MAPKAP1: variants seen among roughly 807,000 people sequenced by gnomAD.
MAPKAP1 encodes target of rapamycin complex 2 subunit MAPKAP1.
A neutral mutation model predicts 65.7 loss-of-function variants in MAPKAP1; 20 were observed. The observed-to-expected ratio is 0.30, with a 90% CI of 0.21 to 0.44. The LOEUF (loss-of-function observed/expected upper bound fraction) is 0.44, where lower values mean the gene tolerates loss of function less well. MAPKAP1 is among the 20% of genes least tolerant of loss of function. The pLI, the probability that MAPKAP1 is intolerant of heterozygous loss-of-function variation, is 1.00. For missense variants in MAPKAP1, 423 were observed against 648.0 expected (o/e 0.65, Z 3.77); for synonymous variants, 222 against 244.3 (o/e 0.91, Z 0.85).
intron 4 of MAPKAP1, among the ~76,000 whole-genome samples, chr9:125,620,109 G>A (rs1319238559): frequency 2.6e-5 from 4 of 152,218 alleles, no homozygotes; most frequent in African/African-American, 7.2e-5. Context: ...AGGAGTTGGA[G>A]ACCAGCCTGG....
In MAPKAP1 at chr9:125,590,653, G is replaced by GA. The variant is rs367633825; in HGVS notation, c.499-4927dup. 7.5e-3 allele frequency among the ~76,000 whole-genome samples: 1,119 copies of GA among 149,124 alleles called. 18 individuals are homozygous for GA. Among genetic ancestry groups the GA allele is most frequent in the African/African-American group, 0.026 (1,041 of 40,752 alleles). On this transcript the variant is annotated intron_variant, in intron 4 of 11. Transcript: ENST00000265960. ...CAACAAGAGTCAAACTCCGTCTCAA[G>GA]AAAAAAAAAGGGGGGCGGGGCATAG...
chr9:125,612,376 G>C (rs1589340466), intron 4 of MAPKAP1, among the ~76,000 whole-genome samples: 1 of 152,264 alleles, frequency 6.6e-6, no homozygotes, highest in South Asian at 2.1e-4. Flanking sequence ...ATAACTGGTA[G>C]TGTCACAGCT....
intron 4 of MAPKAP1, among the ~76,000 whole-genome samples, chr9:125,586,601 T>C (rs935874438): frequency 1.8e-4 from 27 of 151,950 alleles, no homozygotes; most frequent in Admixed American, 1.2e-3. Context: ...ACTTTCTCTT[T>C]TGTGAAAAAA....
At chr9:125,504,891 CCATT>C (rs1402818583) in intron 8 of MAPKAP1, among the ~76,000 whole-genome samples, 4 of 152,254 alleles carry the variant, frequency 2.6e-5, no homozygotes, top group East Asian at 1.9e-4. Flanking sequence ...TAAAGATCTA[CCATT>C]CATTCACTCA....
At position 125,503,387 on chromosome 9, in the gene MAPKAP1, G is replaced by A. The variant is rs1317013335; in HGVS notation, c.1066+2923C>T. Among the ~76,000 whole-genome samples, 3 of 152,206 alleles carry A rather than the reference G, an allele frequency of 2.0e-5. No individual in the cohort carries two copies. The East Asian group carries it at 5.8e-4, about 29-fold the overall frequency. ...TGCCAGACAGGCAGATAATGTCCGGGCAAAAGCGCTCGTAGGCGTTGATCT... is the reference window on the plus strand; with the variant it reads ...TGCCAGACAGGCAGATAATGTCCGGACAAAAGCGCTCGTAGGCGTTGATCT... On this transcript the variant is annotated intron_variant, in intron 8 of 11. Transcript: ENST00000265960.
chr9:125,691,669 A>C (rs993987355), intron 1 of MAPKAP1, among the ~76,000 whole-genome samples: 3 of 152,242 alleles, frequency 2.0e-5, no homozygotes, highest in African/African-American at 7.2e-5. Flanking sequence ...AGGAAAAACA[A>C]AAAACAGAAG....
At chr9:125,446,554 G>C (rs1008428789) in intron 10 of MAPKAP1, among the ~76,000 whole-genome samples, 4 of 152,258 alleles carry the variant, frequency 2.6e-5, no homozygotes, top group African/African-American at 9.6e-5. Context: ...GAGGAACAAT[G>C]CGGGCACCTT....
At chr9:125,535,399 A>T (rs1455092941) in intron 7 of MAPKAP1, among the ~76,000 whole-genome samples, 1 of 152,066 alleles carries the variant, frequency 6.6e-6, no homozygotes, top group Non-Finnish European at 1.5e-5. Flanking sequence ...ACCACATTTT[A>T]ATCCCTCTTT....
intron 7 of MAPKAP1, among the ~76,000 whole-genome samples, chr9:125,519,077 A>C (rs764579876): frequency 2.0e-5 from 3 of 152,156 alleles, no homozygotes; most frequent in African/African-American, 7.2e-5. Context: ...GCTAGACCAG[A>C]CTAGGGAAGA....
intron 5 of MAPKAP1, among the ~76,000 whole-genome samples, chr9:125,576,808 C>G (rs547064820): frequency 1.3e-5 from 2 of 152,184 alleles, no homozygotes; most frequent in Non-Finnish European, 2.9e-5. Context: ...GACGGAGTCT[C>G]GTTCACTCAG....
chr9:125,443,562 C>T (rs1329402650), intron 11 of MAPKAP1, among the ~76,000 whole-genome samples: 2 of 152,118 alleles, frequency 1.3e-5, no homozygotes, highest in East Asian at 1.9e-4. Flanking sequence ...TTCTTGGAAA[C>T]GTATGATCTC....
At chr9:125,570,130 C>T (rs981617279) in intron 5 of MAPKAP1, among the ~76,000 whole-genome samples, 8 of 149,730 alleles carry the variant, frequency 5.3e-5, no homozygotes, top group African/African-American at 1.7e-4. Flanking sequence ...TGCCCCCTAG[C>T]TATACAAAGA....
intron 11 of MAPKAP1, among the ~76,000 whole-genome samples, chr9:125,443,426 A>G (rs1336955473): frequency 6.6e-6 from 1 of 151,956 alleles, no homozygotes; most frequent in African/African-American, 2.4e-5. Context: ...TGCTTTTCCT[A>G]TCTGATCAAC....
chr9:125,512,623 C>T (rs754129553), intron 7 of MAPKAP1, among the ~76,000 whole-genome samples: 1 of 151,780 alleles, frequency 6.6e-6, no homozygotes, highest in South Asian at 2.1e-4. Context: ...GCTCTGTCGC[C>T]CAGGTTGGAG....
intron 1 of MAPKAP1, among the ~76,000 whole-genome samples, chr9:125,684,370 G>T (rs192986200): frequency 6.6e-6 from 1 of 152,170 alleles, no homozygotes; most frequent in Non-Finnish European, 1.5e-5. Context: ...AGTAAACATG[G>T]TACAATGCAC....
chr9:125,494,964 T>C (rs1444826150), intron 8 of MAPKAP1, among the ~76,000 whole-genome samples: 1 of 152,212 alleles, frequency 6.6e-6, no homozygotes, highest in Non-Finnish European at 1.5e-5. Context: ...AACAAATATG[T>C]GCCCAAAGTG....
intron 7 of MAPKAP1, chr9:125,513,280 A>G (rs1022551269): frequency 6.6e-6 from 1 of 152,258 alleles, no homozygotes; most frequent in Non-Finnish European, 1.5e-5. Context: ...TAAGTGAATT[A>G]ACCTATCATC....
intron 4 of MAPKAP1, among the ~76,000 whole-genome samples, chr9:125,605,644 C>A (rs1208445331): frequency 6.6e-6 from 1 of 152,204 alleles, no homozygotes; most frequent in African/African-American, 2.4e-5. Context: ...CGGCTGGCAT[C>A]CCACCCTGCC....
At chr9:125,693,365 G>A (rs1347004325) in intron 1 of MAPKAP1, among the ~76,000 whole-genome samples, 1 of 149,450 alleles carries the variant, frequency 6.7e-6, no homozygotes, top group Non-Finnish European at 1.5e-5. Context: ...AGTGAGCCAA[G>A]ATCATGCCAT....
Sources: allele counts gnomAD v4.1 joint callset (sites outside exome capture counted in the v4.1 genomes callset), GRCh38; gene constraint gnomAD v4.1.1; transcripts MANE v1.5; gene names NCBI Gene and HGNC (gene_info 2026-07-23, HGNC 2026-07-21).